Variants in RGL1 observed in about 807,000 individuals in gnomAD.
RGL1 encodes ral guanine nucleotide dissociation stimulator-like 1.
In RGL1, 24 loss-of-function variants were observed where a neutral mutation model predicts 95.2. The ratio of observed to expected loss-of-function variants is 0.25; its 90% confidence interval spans 0.18 to 0.35. The LOEUF (loss-of-function observed/expected upper bound fraction) is 0.35, where lower values mean the gene tolerates loss of function less well. RGL1 is among the 10% of genes least tolerant of loss of function. RGL1 has a pLI of 1.00. For synonymous variants in RGL1, 329 were observed against 344.9 expected (o/e 0.95, Z 0.51); for missense variants, 715 against 936.3 (o/e 0.76, Z 3.08).
chr1:183,812,264 A>G (rs1661773492), intron 2 of RGL1, among the ~76,000 whole-genome samples: 1 of 152,232 alleles, frequency 6.6e-6, no homozygotes, highest in Non-Finnish European at 1.5e-5. Flanking sequence ...ATGTTACTTC[A>G]TTCCACCAGA....
intron 1 of RGL1, among the ~76,000 whole-genome samples, chr1:183,731,578 T>A (rs1328865903): frequency 6.6e-6 from 1 of 152,196 alleles, no homozygotes; most frequent in Non-Finnish European, 1.5e-5. Context: ...GCATTAAAGT[T>A]ACAAAGCCAA....
intron 2 of RGL1, among the ~76,000 whole-genome samples, chr1:183,819,213 A>G (rs1388086415): frequency 6.6e-6 from 1 of 152,186 alleles, no homozygotes; most frequent in Non-Finnish European, 1.5e-5. Context: ...GCCCTACATA[A>G]CACATTTTTA....
chr1:183,823,828 C>T (rs1352563752), intron 2 of RGL1, among the ~76,000 whole-genome samples: 1 of 152,140 alleles, frequency 6.6e-6, no homozygotes, highest in Non-Finnish European at 1.5e-5. Context: ...CTTGCTCTGT[C>T]ACACAAGCTG....
At chr1:183,863,959 A>G (rs935043701) in intron 3 of RGL1, among the ~76,000 whole-genome samples, 8 of 152,218 alleles carry the variant, frequency 5.3e-5, no homozygotes, top group Admixed American at 4.6e-4. Flanking sequence ...GCTCACCAGT[A>G]TAAGTTACTT....
At chr1:183,919,320 T>C (rs1669179068) in intron 16 of RGL1, among the ~76,000 whole-genome samples, 1 of 152,222 alleles carries the variant, frequency 6.6e-6, no homozygotes, top group Non-Finnish European at 1.5e-5. Flanking sequence ...GAGTACAGGG[T>C]ACTGAAGAAT....
At chr1:183,755,323 G>A (rs569744480) in intron 2 of RGL1, among the ~76,000 whole-genome samples, 1 of 152,072 alleles carries the variant, frequency 6.6e-6, no homozygotes, top group South Asian at 2.1e-4. Context: ...TCACAAATCA[G>A]TTTGTCAAGT....
intron 1 of RGL1, among the ~76,000 whole-genome samples, chr1:183,698,509 C>T (rs1654387486): frequency 6.6e-6 from 1 of 152,198 alleles, no homozygotes; most frequent in African/African-American, 2.4e-5. Flanking sequence ...AGCAGCAATA[C>T]AAAACAAAAA....
intron 1 of RGL1, among the ~76,000 whole-genome samples, chr1:183,652,051 A>C (rs761482838): frequency 2.0e-5 from 3 of 152,212 alleles, no homozygotes; most frequent in Non-Finnish European, 4.4e-5. Context: ...TAGACAATTT[A>C]CAGATTGATT....
intron 1 of RGL1, among the ~76,000 whole-genome samples, chr1:183,713,386 C>CA (rs1197720389): frequency 7.1e-6 from 1 of 140,834 alleles, no homozygotes. Flanking sequence ...ACCCCCCCCC[C>CA]CCGCTTTTAT....
chr1:183,792,505 C>A (rs556038361), intron 2 of RGL1, among the ~76,000 whole-genome samples: 15 of 151,970 alleles, frequency 9.9e-5, no homozygotes, highest in Non-Finnish European at 1.6e-4. Flanking sequence ...ATAAAAGGAA[C>A]CAAACTGGAA....
intron 3 of RGL1, among the ~76,000 whole-genome samples, chr1:183,853,435 G>A (rs1360144303): frequency 2.6e-5 from 4 of 152,172 alleles, no homozygotes; most frequent in African/African-American, 4.8e-5. Context: ...ACTATGGAAA[G>A]CACTGAGTAA....
intron 2 of RGL1, among the ~76,000 whole-genome samples, chr1:183,795,531 T>C (rs1660654280): frequency 6.6e-6 from 1 of 152,144 alleles, no homozygotes; most frequent in Non-Finnish European, 1.5e-5. Flanking sequence ...CCAGATATGT[T>C]CAAGACATTG....
At position 183,806,505 on chromosome 1, in the gene RGL1, T is replaced by C. The variant is rs375344876; in HGVS notation, c.138+20T>C. 1.8e-4 allele frequency: 272 copies of C among 1,503,284 alleles called. 1 individual carries two copies. Among genetic ancestry groups the C allele is most frequent in the Non-Finnish European group, 2.3e-4 (253 of 1,079,784 alleles). The allele number at this position is 1,503,284 out of a possible 1,614,324, so 93.1% of individuals were successfully genotyped here. A position where few individuals can be genotyped will look rare whatever the true frequency, so the allele number is the denominator to read the frequency against. Reference sequence around the variant, plus strand: ...CTAGGGGTGAGTAAAGCTGGCGAGATGGTGAACTTTGGAATTTCAGTGTCT... The same window carrying C: ...CTAGGGGTGAGTAAAGCTGGCGAGACGGTGAACTTTGGAATTTCAGTGTCT... On this transcript the variant is annotated intron_variant, in intron 2 of 17. Transcript: ENST00000360851.
chr1:183,866,709 C>T (rs1352569489), intron 4 of RGL1, among the ~76,000 whole-genome samples: 5 of 152,126 alleles, frequency 3.3e-5, no homozygotes, highest in East Asian at 3.9e-4. Flanking sequence ...AGATAAGAAG[C>T]GCTTAGAAGG....
chr1:183,644,256 TA>T (rs564175643), intron 1 of RGL1, among the ~76,000 whole-genome samples: 9 of 152,346 alleles, frequency 5.9e-5, no homozygotes, highest in Non-Finnish European at 4.4e-5. Context: ...AGCCTTTTTT[TA>T]CTACTTGGGC....
At chr1:183,896,373 G>A (rs895450649) in intron 9 of RGL1, among the ~76,000 whole-genome samples, 1 of 152,166 alleles carries the variant, frequency 6.6e-6, no homozygotes, top group African/African-American at 2.4e-5. Context: ...ATTCATCCCT[G>A]TGAAAAACTA....
At chr1:183,794,976 T>C (rs1660624203) in intron 2 of RGL1, among the ~76,000 whole-genome samples, 1 of 138,536 alleles carries the variant, frequency 7.2e-6, no homozygotes, top group African/African-American at 2.5e-5. Flanking sequence ...CAAGCAACTT[T>C]AAGGTAGAGA....
chr1:183,874,572 C>G (rs1243464336), intron 4 of RGL1, among the ~76,000 whole-genome samples: 2 of 151,540 alleles, frequency 1.3e-5, no homozygotes, highest in African/African-American at 4.9e-5. Flanking sequence ...CTTCTTAGTG[C>G]TTAAATCTGA....
rs1191064578 is a variant in RGL1, at chr1:183,922,341, G to T, written c.2119+5G>T. On this transcript the variant is annotated splice_donor_5th_base_variant and intron_variant, in intron 17 of 17. Transcript: ENST00000360851. ...AGGTCATCTCGGAGGACAAAGGTGG[G>T]CATCCTTCCGAGACAGGCATGTTCC... 6.2e-7 allele frequency: 1 copy of T among 1,606,774 alleles called. No individual in the cohort carries two copies. Among genetic ancestry groups the T allele is most frequent in the East Asian group, 2.2e-5 (1 of 44,680 alleles).
Sources: gnomAD v4.1 joint callset for allele counts (sites outside exome capture counted in the v4.1 genomes callset) on GRCh38, gnomAD v4.1.1 for gene constraint, MANE v1.5 for transcripts, NCBI Gene and HGNC (gene_info 2026-07-23, HGNC 2026-07-21) for gene names.